MEI4: variants seen among roughly 807,000 people sequenced by gnomAD.
MEI4 encodes meiotic double-stranded break formation protein 4.
In MEI4, 27 loss-of-function variants were observed where a neutral mutation model predicts 31.4. That is an observed-to-expected ratio of 0.86 (90% CI 0.63 to 1.19). The LOEUF (loss-of-function observed/expected upper bound fraction) is 1.19. MEI4 is among the 50% of genes most tolerant of loss of function. MEI4 has a pLI of 0.00. For synonymous variants in MEI4, 122 were observed against 145.4 expected (o/e 0.84, Z 1.16); for missense variants, 329 against 398.9 (o/e 0.82, Z 1.49).
intron 2 of MEI4, among the ~76,000 whole-genome samples, chr6:77,729,619 A>G (rs183729672): frequency 6.4e-4 from 97 of 152,314 alleles, no homozygotes; most frequent in African/African-American, 1.6e-3. Context: ...GTTTGGGAAA[A>G]GAGCAAAGCA....
intron 4 of MEI4, among the ~76,000 whole-genome samples, chr6:77,860,943 G>A (rs768911812): frequency 2.6e-5 from 4 of 152,096 alleles, no homozygotes; most frequent in African/African-American, 7.2e-5. Flanking sequence ...TCCTTGAAAT[G>A]CAGCTTTCTC....
At position 77,922,372 on chromosome 6, in the gene MEI4, G is replaced by T. The variant is rs1362439115; in HGVS notation, c.901-717G>T. ...TCCATTTCCTTGACTGTGGAATAGT[G>T]ATAAACTATCTGCTCACCTCATAGG... is the stretch of plus-strand genomic sequence containing the variant. On this transcript the variant is annotated intron_variant, in intron 4 of 4. Transcript: ENST00000684080. Among the ~76,000 whole-genome samples, 38 of 151,640 alleles carry T rather than the reference G, an allele frequency of 2.5e-4. No individual in the cohort carries two copies. The Admixed American group carries it at 2.5e-3, about 10-fold the overall frequency.
intron 3 of MEI4, among the ~76,000 whole-genome samples, chr6:77,783,035 G>A (rs1218921790): frequency 6.6e-6 from 1 of 152,218 alleles, no homozygotes; most frequent in Admixed American, 6.5e-5. Context: ...GTCAACTGCA[G>A]CTTTGTTTAA....
chr6:77,895,160 G>A (rs1416919824), intron 4 of MEI4, among the ~76,000 whole-genome samples: 1 of 152,128 alleles, frequency 6.6e-6, no homozygotes, highest in Non-Finnish European at 1.5e-5. Context: ...TTTCAGAGAT[G>A]TAAGTATAAA....
At position 77,745,768 on chromosome 6, in the gene MEI4, C is replaced by A. The variant is rs10806115; in HGVS notation, c.233-15362C>A. The stretch of plus-strand genomic sequence containing the variant: ...AAAAGAACAGAAATTATAACAAACT[C>A]TCTCTCAGACCACAGTGCAATCAAA... On this transcript the variant is annotated intron_variant, in intron 2 of 4. Transcript: ENST00000684080. Among the ~76,000 whole-genome samples the A allele has an allele frequency of 1.2e-3, 186 of 152,044 alleles. 1 individual carries two copies. Among genetic ancestry groups the A allele is most frequent in the Non-Finnish European group, 2.4e-3 (161 of 67,964 alleles).
rs1269467167 is a variant in MEI4, at chr6:77,887,575, G to A, written c.901-35514G>A. The stretch of plus-strand genomic sequence containing the variant: ...GCCTCCCAAAGTGCTGGGATTACAG[G>A]CGACAGCCACCGCACCCGGCCTCTT... On this transcript the variant is annotated intron_variant, in intron 4 of 4. Transcript: ENST00000684080. 2.6e-5 allele frequency among the ~76,000 whole-genome samples: 4 copies of A among 152,214 alleles called. No homozygotes were observed. In the East Asian group the frequency reaches 7.7e-4, roughly 29 times the overall value.
chr6:77,919,478 C>G (rs1402969894), intron 4 of MEI4, among the ~76,000 whole-genome samples: 1 of 152,010 alleles, frequency 6.6e-6, no homozygotes, highest in Non-Finnish European at 1.5e-5. Context: ...ATACCAGAAT[C>G]TTTGGGATGC....
chr6:77,812,896 A>T (rs942381685), intron 3 of MEI4, among the ~76,000 whole-genome samples: 1 of 152,038 alleles, frequency 6.6e-6, no homozygotes, highest in African/African-American at 2.4e-5. Context: ...AAAGGGGAAA[A>T]TTAGGGAAAG....
chr6:77,888,362 T>C (rs1328297653), intron 4 of MEI4, among the ~76,000 whole-genome samples: 2 of 151,090 alleles, frequency 1.3e-5, no homozygotes, highest in Middle Eastern at 3.2e-3. Flanking sequence ...TTACTGTTTG[T>C]CATTATGGTT....
intron 2 of MEI4, among the ~76,000 whole-genome samples, chr6:77,729,811 C>T (rs1400920447): frequency 6.6e-6 from 1 of 152,070 alleles, no homozygotes; most frequent in Non-Finnish European, 1.5e-5. Flanking sequence ...GTATTTTCTT[C>T]TTATGATAAT....
At chr6:77,684,511 C>T (rs78581688) in intron 1 of MEI4, among the ~76,000 whole-genome samples, 5,589 of 151,996 alleles carry the variant, frequency 0.037, 275 homozygotes, top group African/African-American at 0.11. Context: ...CACTACCCTT[C>T]GCAGCTTCTG....
intron 3 of MEI4, among the ~76,000 whole-genome samples, chr6:77,789,693 A>G (rs866609426): frequency 1.6e-4 from 25 of 152,200 alleles, no homozygotes; most frequent in African/African-American, 6.0e-4. Context: ...TGTAAATCAA[A>G]ACCACAATGA....
chr6:77,889,454 C>A (rs1196146251), intron 4 of MEI4, among the ~76,000 whole-genome samples: 2 of 152,238 alleles, frequency 1.3e-5, no homozygotes, highest in African/African-American at 4.8e-5. Flanking sequence ...ATCTGTGGAA[C>A]TTTGAATTTG....
At chr6:77,909,144 A>G (rs1766370777) in intron 4 of MEI4, among the ~76,000 whole-genome samples, 1 of 152,146 alleles carries the variant, frequency 6.6e-6, no homozygotes, top group African/African-American at 2.4e-5. Context: ...AGAAATTATA[A>G]TAAAATGTCT....
At chr6:77,868,199 C>A (rs770610582) in intron 4 of MEI4, among the ~76,000 whole-genome samples, 29 of 148,472 alleles carry the variant, frequency 2.0e-4, no homozygotes, top group African/African-American at 6.8e-4. Flanking sequence ...ACACATGTAC[C>A]CTTAAAGCAT....
At chr6:77,851,527 G>A (rs566296452) in intron 4 of MEI4, among the ~76,000 whole-genome samples, 97 of 150,228 alleles carry the variant, frequency 6.5e-4, no homozygotes, top group African/African-American at 2.1e-3. Context: ...ACAAACTATC[G>A]CAAGGACAAA....
Position 77,754,444 on chromosome 6 carries a change from A to G in MEI4, c.233-6686A>G, listed in dbSNP as rs112192112. ...CCTAGGCTTTACTGTTTACATCACT[A>G]TCAGCATTTTGGTCAAAATCATTTA... On this transcript the variant is annotated intron_variant, in intron 2 of 4. Transcript: ENST00000684080. Among the ~76,000 whole-genome samples, 790 of 152,286 alleles carry G rather than the reference A, an allele frequency of 5.2e-3. 7 individuals are homozygous for G. The highest frequency in any genetic ancestry group is 0.019 in the African/African-American group (771 of 41,576).
At chr6:77,678,851 G>T (rs1768898296) in intron 1 of MEI4, among the ~76,000 whole-genome samples, 1 of 152,092 alleles carries the variant, frequency 6.6e-6, no homozygotes, top group African/African-American at 2.4e-5. Context: ...ACAAGATGTG[G>T]AGGTTGAAGA....
At chr6:77,832,056 A>C (rs183560659) in intron 4 of MEI4, among the ~76,000 whole-genome samples, 47 of 152,162 alleles carry the variant, frequency 3.1e-4, no homozygotes, top group African/African-American at 1.1e-3. Flanking sequence ...ACTCTGACGT[A>C]TCAATTAAAA....
Sources: allele counts gnomAD v4.1 joint callset (sites outside exome capture counted in the v4.1 genomes callset), GRCh38; gene constraint gnomAD v4.1.1; transcripts MANE v1.5; gene names NCBI Gene and HGNC (gene_info 2026-07-23, HGNC 2026-07-21).